CHCHD6: variants seen among roughly 807,000 people sequenced by gnomAD.
CHCHD6 encodes the protein coiled-coil-helix-coiled-coil-helix domain containing 6, also known as MICOS complex subunit MIC25.
CHCHD6 carries 28 observed loss-of-function variants against 32.3 expected under a neutral mutation model. The ratio of observed to expected loss-of-function variants is 0.87; its 90% CI spans 0.64 to 1.19. CHCHD6 has a LOEUF of 1.19. Ranked by LOEUF, CHCHD6 falls within the 50% of genes most tolerant of loss-of-function variation. CHCHD6 has a pLI of 0.00. For missense variants in CHCHD6, 333 were observed against 307.0 expected (o/e 1.08, Z -0.63); for synonymous variants, 122 against 117.5 (o/e 1.04, Z -0.25).
At chr3:126,818,022 A>G (rs1463221859) in intron 4 of CHCHD6, among the ~76,000 whole-genome samples, 1 of 152,094 alleles carries the variant, frequency 6.6e-6, no homozygotes, top group African/African-American at 2.4e-5. Context: ...GCCTCTTTCC[A>G]CACAGAGTTG....
chr3:126,927,955 C>T (rs2078348978), intron 6 of CHCHD6, among the ~76,000 whole-genome samples: 2 of 152,236 alleles, frequency 1.3e-5, no homozygotes, highest in East Asian at 3.9e-4. Flanking sequence ...ATCCGCAAGG[C>T]AGAGCTGACG....
At chr3:126,760,546 A>G (rs924188186) in intron 4 of CHCHD6, among the ~76,000 whole-genome samples, 3 of 152,170 alleles carry the variant, frequency 2.0e-5, no homozygotes, top group Non-Finnish European at 2.9e-5. Context: ...CTCTGTCTCT[A>G]TGAATTTCAC....
At chr3:126,746,544 C>T (rs892858906) in intron 4 of CHCHD6, among the ~76,000 whole-genome samples, 1 of 152,160 alleles carries the variant, frequency 6.6e-6, no homozygotes, top group African/African-American at 2.4e-5. Flanking sequence ...AGCCTCTGTT[C>T]TTGGGGCTCC....
intron 4 of CHCHD6, among the ~76,000 whole-genome samples, chr3:126,742,087 A>T (rs1317854041): frequency 6.6e-6 from 1 of 152,228 alleles, no homozygotes; most frequent in Non-Finnish European, 1.5e-5. Flanking sequence ...GATCCAGGCC[A>T]TCTGGGTTCA....
rs2078142223 is a variant in CHCHD6 at position 126,914,581 on chromosome 3, A to G, written c.496-99A>G. Reference sequence around the variant, plus strand: ...TACCAGTCGGCTTTGATGCCCGTCAAGAAATTAGCATCTGTCAATTTCTAA... The same window carrying G: ...TACCAGTCGGCTTTGATGCCCGTCAGGAAATTAGCATCTGTCAATTTCTAA... On this transcript the variant is annotated intron_variant, in intron 5 of 7. Coordinates refer to ENST00000290913, the MANE Select transcript of CHCHD6 (RefSeq NM_032343.3). The G allele has an allele frequency of 9.1e-6, 7 of 770,434 alleles. No homozygotes were observed. The South Asian group carries it at 1.0e-4, about 11-fold the overall frequency. 47.7% of individuals were successfully genotyped at this position (770,434 alleles called of 1,614,324 possible). A position where few individuals can be genotyped will look rare whatever the true frequency, so the allele number is the denominator to read the frequency against.
intron 5 of CHCHD6, among the ~76,000 whole-genome samples, chr3:126,896,076 G>A (rs2077834234): frequency 6.6e-6 from 1 of 152,170 alleles, no homozygotes; most frequent in African/African-American, 2.4e-5. Context: ...CCACAGCCTA[G>A]GAAGGGCACA....
intron 4 of CHCHD6, among the ~76,000 whole-genome samples, chr3:126,824,187 T>G (rs1421625542): frequency 6.6e-6 from 1 of 152,108 alleles, no homozygotes; most frequent in East Asian, 1.9e-4. Context: ...GCTGGTAGGT[T>G]TTTTTAGATA....
At chr3:126,734,084 A>G (rs1310704987) in intron 4 of CHCHD6, among the ~76,000 whole-genome samples, 1 of 152,182 alleles carries the variant, frequency 6.6e-6, no homozygotes, top group African/African-American at 2.4e-5. Flanking sequence ...TGTCTCTATC[A>G]CAGGGATAAC....
chr3:126,951,191 C>T (rs571202516), intron 6 of CHCHD6, among the ~76,000 whole-genome samples: 46 of 152,242 alleles, frequency 3.0e-4, no homozygotes, highest in Non-Finnish European at 5.3e-4. Context: ...TCTCACCTGC[C>T]GCCATGTAAG....
At chr3:126,775,011 C>T (rs919122093) in intron 4 of CHCHD6, among the ~76,000 whole-genome samples, 6 of 152,318 alleles carry the variant, frequency 3.9e-5, no homozygotes, top group African/African-American at 1.4e-4. Context: ...CTCCTAGCCA[C>T]ACTGCCGTCT....
chr3:126,876,559 A>G (rs1403281726), intron 5 of CHCHD6, among the ~76,000 whole-genome samples: 1 of 152,188 alleles, frequency 6.6e-6, no homozygotes, highest in African/African-American at 2.4e-5. Flanking sequence ...GCAGTGTTTT[A>G]TTGAAAATAC....
chr3:126,791,794 A>G (rs1057126374), intron 4 of CHCHD6, among the ~76,000 whole-genome samples: 1 of 152,178 alleles, frequency 6.6e-6, no homozygotes, highest in Non-Finnish European at 1.5e-5. Flanking sequence ...TATTTTTAGT[A>G]GAGACAGGGT....
chr3:126,713,682 G>A (rs1446202671), intron 1 of CHCHD6, among the ~76,000 whole-genome samples: 1 of 152,082 alleles, frequency 6.6e-6, no homozygotes, highest in East Asian at 1.9e-4. Context: ...ATGAACAGGG[G>A]CCACATCTTC....
chr3:126,713,634 CA>C (rs1293265164), intron 1 of CHCHD6, among the ~76,000 whole-genome samples: 2 of 152,112 alleles, frequency 1.3e-5, no homozygotes, highest in Non-Finnish European at 2.9e-5. Flanking sequence ...TGCCCTGGGC[CA>C]AAATGATCTA....
chr3:126,803,745 A>G (rs1939203792), intron 4 of CHCHD6, among the ~76,000 whole-genome samples: 1 of 152,228 alleles, frequency 6.6e-6, no homozygotes, highest in Admixed American at 6.5e-5. Flanking sequence ...TCCACCCCAG[A>G]TCAACGGAAT....
chr3:126,932,871 A>T (rs1338623330), intron 6 of CHCHD6, among the ~76,000 whole-genome samples: 1 of 150,024 alleles, frequency 6.7e-6, no homozygotes, highest in East Asian at 2.0e-4. Context: ...TCTGGATGTT[A>T]TTTAGCAGCA....
chr3:126,873,574 C>T (rs1422536515), intron 5 of CHCHD6, among the ~76,000 whole-genome samples: 18 of 152,186 alleles, frequency 1.2e-4, no homozygotes, highest in Admixed American at 1.2e-3. Context: ...GGAACTTAAT[C>T]CACAGGGCTG....
At chr3:126,933,926 C>T (rs1263279722) in intron 6 of CHCHD6, among the ~76,000 whole-genome samples, 1 of 152,246 alleles carries the variant, frequency 6.6e-6, no homozygotes, top group Non-Finnish European at 1.5e-5. Context: ...TACTGTCTCT[C>T]TCACACATGC....
At chr3:126,716,468 C>A (rs892510736) in intron 1 of CHCHD6, among the ~76,000 whole-genome samples, 3 of 152,024 alleles carry the variant, frequency 2.0e-5, no homozygotes, top group Admixed American at 6.5e-5. Context: ...AGTGGCTTGT[C>A]TTCTCTCCCT....
Sources: allele counts gnomAD v4.1 joint callset (sites outside exome capture counted in the v4.1 genomes callset), GRCh38; gene constraint gnomAD v4.1.1; transcripts MANE v1.5; gene names NCBI Gene and HGNC (gene_info 2026-07-23, HGNC 2026-07-21).